Variants in CRPPA observed in about 807,000 individuals in gnomAD.
CRPPA encodes the protein D-ribitol-5-phosphate cytidylyltransferase.
CRPPA carries 43 observed loss-of-function variants against 52.0 expected under a neutral mutation model. That is an observed-to-expected ratio of 0.83 (90% CI 0.65 to 1.07). The LOEUF (loss-of-function observed/expected upper bound fraction) is 1.07. CRPPA is among the 50% of genes least tolerant of loss of function. The pLI, the probability that CRPPA is intolerant of heterozygous loss-of-function variation, is 0.00. For missense variants in CRPPA, 629 were observed against 551.7 expected (o/e 1.14, Z -1.40); for synonymous variants, 250 against 203.5 (o/e 1.23, Z -1.94).
At chr7:16,297,363 A>T (rs1323805233) in intron 5 of CRPPA, among the ~76,000 whole-genome samples, 1 of 152,158 alleles carries the variant, frequency 6.6e-6, no homozygotes, top group African/African-American at 2.4e-5. Context: ...TATGTTTTAA[A>T]AGGAAAAAAA....
chr7:16,366,766 T>TA lies in CRPPA; in HGVS notation c.684+9325dup, dbSNP rs1224199597. 1.4e-3 allele frequency among the ~76,000 whole-genome samples: 143 copies of TA among 103,168 alleles called. 2 individuals carry two copies. The highest frequency in any genetic ancestry group is 0.011 in the South Asian group (36 of 3,312). The allele number at this position is 103,168 out of a possible 152,430, so 67.7% of individuals were successfully genotyped here. A position where few individuals can be genotyped will look rare whatever the true frequency, so the allele number is the denominator to read the frequency against. On this transcript the variant is annotated intron_variant, in intron 3 of 9. Transcript: ENST00000407010. ...TACCTAGTAGAATAATTGAGAGAAT[T>TA]AAAAAAAAAAAGGCAAGAGGGAGAA...
chr7:16,328,256 A>T (rs1785462808), intron 3 of CRPPA, among the ~76,000 whole-genome samples: 1 of 151,974 alleles, frequency 6.6e-6, no homozygotes, highest in African/African-American at 2.4e-5. Flanking sequence ...AAAGTCGAGA[A>T]TCTTGCCTTT....
chr7:16,143,977 C>A (rs976101846), intron 9 of CRPPA, among the ~76,000 whole-genome samples: 1 of 152,166 alleles, frequency 6.6e-6, no homozygotes, highest in Non-Finnish European at 1.5e-5. Context: ...ACGCTGAATT[C>A]GTCTACAGAA....
chr7:16,140,821 C>T (rs369079273), intron 9 of CRPPA, among the ~76,000 whole-genome samples: 4 of 152,226 alleles, frequency 2.6e-5, no homozygotes, highest in Admixed American at 6.5e-5. Flanking sequence ...TACCTTTTAA[C>T]GGGTCATGAA....
At chr7:16,140,957 T>C (rs757154062) in intron 9 of CRPPA, among the ~76,000 whole-genome samples, 2 of 152,188 alleles carry the variant, frequency 1.3e-5, no homozygotes, top group African/African-American at 2.4e-5. Context: ...CAACACGTGC[T>C]TGTGAATGCC....
chr7:16,162,850 T>A (rs1421888286), intron 9 of CRPPA, among the ~76,000 whole-genome samples: 14 of 152,188 alleles, frequency 9.2e-5, no homozygotes, highest in African/African-American at 3.4e-4. Context: ...GCTTTATGAA[T>A]CTGGGTGCTC....
chr7:16,396,979 CAT>C (rs1446911030), intron 2 of CRPPA, among the ~76,000 whole-genome samples: 1 of 152,176 alleles, frequency 6.6e-6, no homozygotes, highest in Non-Finnish European at 1.5e-5. Context: ...ACACTGGTGA[CAT>C]GTGTGACATG....
At chr7:16,236,511 CA>C (rs756311048) in intron 8 of CRPPA, among the ~76,000 whole-genome samples, 1 of 151,824 alleles carries the variant, frequency 6.6e-6, no homozygotes, top group Admixed American at 6.6e-5. Flanking sequence ...GGATTCAAGC[CA>C]AAAAAATCTG....
chr7:16,115,750 G>C (rs1782357862), intron 9 of CRPPA, among the ~76,000 whole-genome samples: 4 of 152,158 alleles, frequency 2.6e-5, no homozygotes, highest in African/African-American at 9.7e-5. Context: ...GACAACATAA[G>C]GCAACATGAA....
At chr7:16,196,518 C>G (rs758718968) in intron 9 of CRPPA, among the ~76,000 whole-genome samples, 4 of 152,148 alleles carry the variant, frequency 2.6e-5, no homozygotes, top group Non-Finnish European at 4.4e-5. Context: ...GCTAGGATGA[C>G]AGAAGACACA....
At chr7:16,416,662 C>G (rs1273453270) in intron 1 of CRPPA, among the ~76,000 whole-genome samples, 1 of 149,320 alleles carries the variant, frequency 6.7e-6, no homozygotes, top group Admixed American at 6.7e-5. Context: ...TGGCAAAACC[C>G]CATTTCTACA....
At chr7:16,349,290 T>C (rs1786089966) in intron 3 of CRPPA, among the ~76,000 whole-genome samples, 1 of 152,146 alleles carries the variant, frequency 6.6e-6, no homozygotes, top group African/African-American at 2.4e-5. Context: ...GAGAGGTACC[T>C]TAAAATCCTT....
chr7:16,383,801 T>A (rs1223536366), intron 2 of CRPPA, among the ~76,000 whole-genome samples: 2 of 151,984 alleles, frequency 1.3e-5, no homozygotes, highest in African/African-American at 4.8e-5. Context: ...CTCCAAGCCA[T>A]GTGCGGGATA....
intron 9 of CRPPA, among the ~76,000 whole-genome samples, chr7:16,149,896 G>A (rs1390675369): frequency 6.6e-6 from 1 of 151,588 alleles, no homozygotes; most frequent in African/African-American, 2.4e-5. Flanking sequence ...TGAGGCAGGA[G>A]AACTGATTGA....
chr7:16,213,997 C>T (rs1782229302), intron 9 of CRPPA, among the ~76,000 whole-genome samples: 1 of 152,058 alleles, frequency 6.6e-6, no homozygotes, highest in African/African-American at 2.4e-5. Context: ...AGTTACTGAG[C>T]ATTGGATAAA....
At chr7:16,327,359 G>A (rs942255743) in intron 3 of CRPPA, among the ~76,000 whole-genome samples, 1 of 151,994 alleles carries the variant, frequency 6.6e-6, no homozygotes. Flanking sequence ...TTGGGAGGCC[G>A]AGGCGGGTGG....
At chr7:16,177,995 A>T (rs919084210) in intron 9 of CRPPA, among the ~76,000 whole-genome samples, 3 of 151,984 alleles carry the variant, frequency 2.0e-5, no homozygotes, top group Non-Finnish European at 2.9e-5. Context: ...GGAAGAAGAT[A>T]GCTTCAATAA....
In CRPPA at chr7:16,286,097, A is replaced by AAATATATATATAT; in HGVS notation, c.836-7872_836-7871insATATATATATATT. ...TATATATATAATATTTAAAAAAAAAAATATATATATATATATATATGCCAA... is the reference window on the plus strand; with the variant it reads ...TATATATATAATATTTAAAAAAAAAAAATATATATATATATATATATATATATATATATGCCAA... On this transcript the variant is annotated intron_variant, in intron 5 of 9. Transcript: ENST00000407010. Among the ~76,000 whole-genome samples, 73 of 39,116 alleles carry AAATATATATATAT rather than the reference A, an allele frequency of 1.9e-3. 5 individuals are homozygous for AAATATATATATAT. Among genetic ancestry groups the AAATATATATATAT allele is most frequent in the African/African-American group, 3.5e-3 (19 of 5,452 alleles). The allele number at this position is 39,116 out of a possible 152,430, so 25.7% of individuals were successfully genotyped here.
rs1305155018 is a variant in CRPPA at position 16,144,381 on chromosome 7, G to A, written c.1252-52582C>T. ...GGCAGTCCTACCTGTCTAGAGACAT[G>A]CCCAAGGGAGCTGGGAGAAGTCATA... On this transcript the variant is annotated intron_variant, in intron 9 of 9. Coordinates refer to ENST00000407010, the MANE Select transcript of CRPPA (RefSeq NM_001101426.4). Among the ~76,000 whole-genome samples, 3 of 152,210 alleles carry A rather than the reference G, an allele frequency of 2.0e-5. No individual in the cohort carries two copies. The East Asian group carries it at 5.8e-4, about 29-fold the overall frequency.
Sources: allele counts gnomAD v4.1 joint callset (sites outside exome capture counted in the v4.1 genomes callset), GRCh38; gene constraint gnomAD v4.1.1; transcripts MANE v1.5; gene names NCBI Gene and HGNC (gene_info 2026-07-23, HGNC 2026-07-21).